PRPF3: variants seen among roughly 807,000 people sequenced by gnomAD.
PRPF3 encodes the protein pre-mRNA processing factor 3.
PRPF3 carries 3 observed loss-of-function variants against 89.2 expected under a neutral mutation model. That is an observed-to-expected ratio of 0.03 (90% CI 0.02 to 0.09). PRPF3 has a LOEUF of 0.09. Ranked by LOEUF, PRPF3 falls within the 10% of genes least tolerant of loss-of-function variation. PRPF3 has a pLI of 1.00. For missense variants in PRPF3, 463 were observed against 828.8 expected (o/e 0.56, Z 5.42); for synonymous variants, 270 against 289.1 (o/e 0.93, Z 0.67).
At position 150,322,610 on chromosome 1, in the gene PRPF3, C is replaced by A. The variant is rs587727719; in HGVS notation, c.-49+1018C>A. Among the ~76,000 whole-genome samples, 13 of 152,282 alleles carry A rather than the reference C, an allele frequency of 8.5e-5. No individual in the cohort carries two copies. The South Asian group carries it at 2.7e-3, about 32-fold the overall frequency. ...GTAACTTGTCACTGAGGCAGAAAAT[C>A]TTTCAGTCTTAGTTTCATCACTTCA... On this transcript the variant is annotated intron_variant, in intron 1 of 15. Coordinates refer to ENST00000324862, the MANE Select transcript of PRPF3 (RefSeq NM_004698.4).
Position 150,344,496 on chromosome 1 carries a change from T to G in PRPF3, c.1589T>G (p.Ile530Ser). 6.2e-7 allele frequency: 1 copy of G among 1,614,062 alleles called. No homozygotes were observed. The highest frequency in any genetic ancestry group is 8.5e-7 in the Non-Finnish European group (1 of 1,179,984). ...LTAEQRKVKK[I>S]KKLKEDISQG... ...GCAGAACAGAGAAAGGTCAAGAAAA[T>G]TAAAAAGCTTAAAGAAGACATTTCA... is the stretch of plus-strand genomic sequence containing the variant. Residue 530 changes from isoleucine (I) to serine (S), a missense_variant, in exon 12 of 16, where the codon ATT becomes AGT. By Grantham distance (142) the Ile-to-Ser change is moderately radical. This residue lies in a region of PRPF3 where 261 missense variants were observed against 475.8 expected (regional missense o/e 0.55). Coordinates refer to ENST00000324862, the MANE Select transcript of PRPF3 (RefSeq NM_004698.4).
chr1:150,339,550 C>T (rs1363450312), intron 8 of PRPF3, among the ~76,000 whole-genome samples: 1 of 151,678 alleles, frequency 6.6e-6, no homozygotes, highest in Non-Finnish European at 1.5e-5. Context: ...GATTCTCCTG[C>T]CTCAGCCTCC....
intron 4 of PRPF3, among the ~76,000 whole-genome samples, chr1:150,331,150 G>C (rs1484880380): frequency 6.6e-6 from 1 of 152,178 alleles, no homozygotes; most frequent in African/African-American, 2.4e-5. Context: ...CAGTTCTCCT[G>C]CCTCAGCCTC....
chr1:150,342,366 C>T (rs1256332366), intron 9 of PRPF3, among the ~76,000 whole-genome samples: 1 of 151,940 alleles, frequency 6.6e-6, no homozygotes, highest in Non-Finnish European at 1.5e-5. Context: ...GGCAGCAGAG[C>T]GAGACTCCGT....
At position 150,340,456 on chromosome 1, in the gene PRPF3, C is replaced by G. The variant is rs782685361; in HGVS notation, c.1261C>G (p.Pro421Ala). 1 of 1,604,858 alleles carries G rather than the reference C, an allele frequency of 6.2e-7. No homozygotes were observed. Among genetic ancestry groups the G allele is most frequent in the Non-Finnish European group, 8.5e-7 (1 of 1,171,546 alleles). Residue 421 changes from proline to alanine, a missense_variant, in exon 9 of 16, where the codon CCA (proline) becomes GCA (alanine). This residue lies in a region of PRPF3 where 261 missense variants were observed against 475.8 expected (regional missense o/e 0.55). Transcript: ENST00000324862. ...YFGITNLVEH[P>A]AQLNPPVDND... ...TGGAATCACAAATCTTGTTGAACATCCAGCCCAGCTCAATCCTCCAGGTAA... is the reference window on the plus strand; with the variant it reads ...TGGAATCACAAATCTTGTTGAACATGCAGCCCAGCTCAATCCTCCAGGTAA...
chr1:150,336,772 T>C (rs1436621637), intron 7 of PRPF3, among the ~76,000 whole-genome samples: 1 of 151,122 alleles, frequency 6.6e-6, no homozygotes, highest in Non-Finnish European at 1.5e-5. Flanking sequence ...TATATATATA[T>C]ATTTATTAAT....
chr1:150,342,121 C>G (rs587622726), intron 9 of PRPF3, among the ~76,000 whole-genome samples: 15 of 152,126 alleles, frequency 9.9e-5, no homozygotes, highest in Non-Finnish European at 2.2e-4. Context: ...GTGGCTCATG[C>G]CTGTAATCCC....
intron 3 of PRPF3, among the ~76,000 whole-genome samples, chr1:150,327,070 T>C (rs587742231): frequency 3.3e-4 from 50 of 150,062 alleles, no homozygotes; most frequent in Admixed American, 1.7e-3. Flanking sequence ...TTTTTTTTTT[T>C]CCTTTTTTTT....
At chr1:150,338,445 A>C (rs1255077688) in intron 8 of PRPF3, 119 bp downstream of exon 8, 2 of 1,031,280 alleles carry the variant, frequency 1.9e-6, no homozygotes, top group South Asian at 1.4e-5. Flanking sequence ...CTCATTCATT[A>C]ATTAAAATTT....
intron 14 of PRPF3, chr1:150,348,794 C>T (rs1477438471): frequency 3.5e-6 from 1 of 286,772 alleles, no homozygotes; most frequent in African/African-American, 2.2e-5. Context: ...TGCCCTCCTC[C>T]TCCATTGGGT....
At chr1:150,330,410 C>CGG (rs1656213461) in intron 4 of PRPF3, 1 of 152,418 alleles carries the variant, frequency 6.6e-6, no homozygotes, top group African/African-American at 2.4e-5. Flanking sequence ...GGCTGGAGTA[C>CGG]GGTGGCGCGT....
rs192652367 is a variant in PRPF3 at position 150,347,688 on chromosome 1, A to G, written c.1843+1197A>G. 1.6e-4 allele frequency among the ~76,000 whole-genome samples: 24 copies of G among 152,056 alleles called. 1 individual carries two copies. Among genetic ancestry groups the G allele is most frequent in the Admixed American group, 1.3e-3 (20 of 15,260 alleles). ...GGTTGCAGTAAGCTGTGATCGCACCACTGCACTGCAGCCTAAGCGACAGAG... is the reference window on the plus strand; with the variant it reads ...GGTTGCAGTAAGCTGTGATCGCACCGCTGCACTGCAGCCTAAGCGACAGAG... On this transcript the variant is annotated intron_variant, in intron 14 of 15. Transcript: ENST00000324862.
At chr1:150,346,575 T>G in intron 14 of PRPF3, 84 bp downstream of exon 14, 1 of 1,351,104 alleles carries the variant, frequency 7.4e-7, no homozygotes, top group Non-Finnish European at 1.1e-6. Flanking sequence ...ATTTCCTCCC[T>G]GTGACACTCT....
At chr1:150,351,591 C>G (rs781969162) in intron 15 of PRPF3, among the ~76,000 whole-genome samples, 1 of 151,010 alleles carries the variant, frequency 6.6e-6, no homozygotes, top group Non-Finnish European at 1.5e-5. Flanking sequence ...GCCTTGAACT[C>G]CTAGGGACAA....
At chr1:150,328,911 T>TGAA (rs1465698969) in intron 4 of PRPF3, among the ~76,000 whole-genome samples, 2 of 152,056 alleles carry the variant, frequency 1.3e-5, no homozygotes, top group African/African-American at 4.8e-5. Flanking sequence ...AGGCTGGTCT[T>TGAA]CAACTTCTGA....
Position 150,325,725 on chromosome 1 carries a change from C to T in PRPF3, c.146-26C>T, listed in dbSNP as rs782425134. The T allele has an allele frequency of 7.5e-6, 12 of 1,608,722 alleles. 1 individual carries two copies. In the Middle Eastern group the frequency reaches 8.5e-4, roughly 115 times the overall value. On this transcript the variant is annotated intron_variant, in intron 2 of 15. Coordinates refer to ENST00000324862, the MANE Select transcript of PRPF3 (RefSeq NM_004698.4). ...GACTGTGTACTCTTACCTTTCCAACCCTACCACCGCCTTTCTTCCTGTCAG... is the reference window on the plus strand; with the variant it reads ...GACTGTGTACTCTTACCTTTCCAACTCTACCACCGCCTTTCTTCCTGTCAG...
chr1:150,348,172 C>G (rs1284550277), intron 14 of PRPF3, among the ~76,000 whole-genome samples: 2 of 151,966 alleles, frequency 1.3e-5, no homozygotes, highest in Non-Finnish European at 2.9e-5. Context: ...CACCTGAGGT[C>G]AGGAGTTTGA....
chr1:150,344,687 A>G, intron 12 of PRPF3, 140 bp downstream of exon 12: 2 of 917,674 alleles, frequency 2.2e-6, no homozygotes, highest in East Asian at 2.7e-5. Flanking sequence ...GTGGATCAAG[A>G]GCTAGTAAAT....
chr1:150,337,586 G>A (rs587737669), intron 7 of PRPF3, among the ~76,000 whole-genome samples: 2 of 151,218 alleles, frequency 1.3e-5, no homozygotes, highest in Admixed American at 1.3e-4. Context: ...GACCATCCTG[G>A]CTAACATGGT....
Sources: gnomAD v4.1 joint callset for allele counts (sites outside exome capture counted in the v4.1 genomes callset) on GRCh38, gnomAD v4.1.1 for gene constraint, gnomAD v4.1.1 regional missense constraint, MANE v1.5 for transcripts, NCBI Gene and HGNC (gene_info 2026-07-23, HGNC 2026-07-21) for gene names.